PLEKHA7: variants seen among roughly 807,000 people sequenced by gnomAD.
PLEKHA7 encodes pleckstrin homology domain containing A7.
Under a neutral mutation model 170.0 loss-of-function variants are expected in PLEKHA7, and 104 were observed. The ratio of observed to expected loss-of-function variants is 0.61; its 90% CI spans 0.52 to 0.72. The LOEUF (loss-of-function observed/expected upper bound fraction) is 0.72, where lower values mean the gene tolerates loss of function less well. Ranked by LOEUF, PLEKHA7 falls within the 30% of genes least tolerant of loss-of-function variation. The probability of loss-of-function intolerance (pLI) is 0.00; values close to 1 mark genes in which losing one functional copy is unlikely to be tolerated. For missense variants in PLEKHA7, 1,615 were observed against 1,671.7 expected (o/e 0.97, Z 0.59); for synonymous variants, 648 against 660.8 (o/e 0.98, Z 0.30).
chr11:16,849,503 G>A (rs1394585168), intron 8 of PLEKHA7, among the ~76,000 whole-genome samples: 3 of 152,206 alleles, frequency 2.0e-5, no homozygotes, highest in Admixed American at 2.0e-4. Context: ...TTTCTAAAAT[G>A]ATACAATTAA....
intron 3 of PLEKHA7, among the ~76,000 whole-genome samples, chr11:16,943,221 A>G (rs1156263027): frequency 2.0e-5 from 3 of 152,140 alleles, no homozygotes; most frequent in Non-Finnish European, 2.9e-5. Flanking sequence ...TTATTTCAAT[A>G]TGTAATCAGT....
intron 3 of PLEKHA7, among the ~76,000 whole-genome samples, chr11:16,915,440 C>T (rs1177079425): frequency 6.6e-6 from 1 of 151,920 alleles, no homozygotes; most frequent in African/African-American, 2.4e-5. Context: ...TATACATGTG[C>T]CATGCTGGTG....
chr11:16,831,616 T>C lies in PLEKHA7; in HGVS notation c.873-5026A>G, dbSNP rs553940409. ...ACACTCAGTGGCCATTTTGGCCATA[T>C]GTGTCACTTTTTGAAAATAACAGCT... On this transcript the variant is annotated intron_variant, in intron 9 of 26. Coordinates refer to ENST00000531066, the MANE Select transcript of PLEKHA7 (RefSeq NM_001329630.2). Among the ~76,000 whole-genome samples the C allele has an allele frequency of 2.0e-5, 3 of 152,366 alleles. No homozygotes were observed. In the South Asian group the frequency reaches 6.2e-4, roughly 32 times the overall value.
intron 3 of PLEKHA7, among the ~76,000 whole-genome samples, chr11:16,931,679 C>G (rs2136328834): frequency 6.6e-6 from 1 of 151,822 alleles, no homozygotes; most frequent in Middle Eastern, 3.4e-3. Flanking sequence ...GCCTTGAACC[C>G]AGGAGGCAAA....
At chr11:16,879,016 C>G (rs1855515219) in intron 3 of PLEKHA7, among the ~76,000 whole-genome samples, 1 of 152,170 alleles carries the variant, frequency 6.6e-6, no homozygotes, top group Non-Finnish European at 1.5e-5. Context: ...ATACACCCCA[C>G]TGAGAAAATC....
chr11:16,794,656 C>T lies in PLEKHA7; in HGVS notation c.2577G>A (p.Glu859=). The T allele has an allele frequency of 1.2e-6, 2 of 1,614,032 alleles. No homozygotes were observed. Among genetic ancestry groups the T allele is most frequent in the Middle Eastern group, 3.3e-4 (2 of 6,062 alleles). Residue 859 remains glutamate, a synonymous_variant, in exon 19 of 27, where the codon GAG becomes GAA. Coordinates refer to ENST00000531066, the MANE Select transcript of PLEKHA7 (RefSeq NM_001329630.2). ...HPPVPSLSTS[E]SKPPPQPSPP... is the part of the protein sequence containing the mutation. ...GACTGGGCTGTGGGGGCGGCTTGCT[C>T]TCAGAAGTTGAGAGTGAAGGCACAG...
intron 4 of PLEKHA7, among the ~76,000 whole-genome samples, chr11:16,861,681 TG>T (rs1853966055): frequency 6.6e-6 from 1 of 152,174 alleles, no homozygotes; most frequent in Admixed American, 6.5e-5. Context: ...AACACTATGA[TG>T]GGAGGTTAGA....
At chr11:16,837,260 G>C (rs556249654) in intron 9 of PLEKHA7, among the ~76,000 whole-genome samples, 1 of 152,338 alleles carries the variant, frequency 6.6e-6, no homozygotes, top group South Asian at 2.1e-4. Flanking sequence ...TGAGACTAGG[G>C]AAAGGGGAGG....
At chr11:16,877,715 A>G (rs532313492) in intron 3 of PLEKHA7, among the ~76,000 whole-genome samples, 1 of 152,308 alleles carries the variant, frequency 6.6e-6, no homozygotes, top group South Asian at 2.1e-4. Context: ...ACATAACACT[A>G]ATCAGCTTCC....
intron 3 of PLEKHA7, among the ~76,000 whole-genome samples, chr11:16,934,836 A>G (rs1268057017): frequency 6.6e-6 from 1 of 152,196 alleles, no homozygotes; most frequent in Non-Finnish European, 1.5e-5. Flanking sequence ...AAGGGGAGGA[A>G]ATATCCTAAT....
chr11:16,996,380 G>C (rs1182389762), intron 3 of PLEKHA7, among the ~76,000 whole-genome samples: 1 of 152,170 alleles, frequency 6.6e-6, no homozygotes, highest in Admixed American at 6.5e-5. Flanking sequence ...TAGACTCTCA[G>C]GGGGGTGGTC....
At chr11:16,877,799 C>T (rs549346121) in intron 3 of PLEKHA7, among the ~76,000 whole-genome samples, 4 of 152,290 alleles carry the variant, frequency 2.6e-5, no homozygotes, top group African/African-American at 9.6e-5. Context: ...ACCAGATAAG[C>T]CACCTCACCT....
chr11:16,859,647 G>C (rs749121350), intron 4 of PLEKHA7, among the ~76,000 whole-genome samples: 1 of 152,224 alleles, frequency 6.6e-6, no homozygotes, highest in East Asian at 1.9e-4. Flanking sequence ...TTCCCATTAA[G>C]AGCCTGGTGG....
chr11:16,816,207 C>T lies in PLEKHA7; in HGVS notation c.1924G>A (p.Val642Ile), dbSNP rs370828870. Residue 642 changes from valine to isoleucine, a missense_variant, in exon 12 of 27, where the codon GTC (valine) becomes ATC (isoleucine). By Grantham distance (29) the Val-to-Ile change is conservative. Transcript: ENST00000531066. ...MPSMGYMTHT[V>I]SAPSLHGKSA... ...TTTCCATGTAAACTGGGAGCGCTGA[C>T]GGTGTGGGTCATGTAACCCATGGAG... 26 of 1,613,680 alleles carry T rather than the reference C, an allele frequency of 1.6e-5. No homozygotes were observed. Among genetic ancestry groups the T allele is most frequent in the Middle Eastern group, 3.3e-4 (2 of 6,084 alleles).
At chr11:16,896,174 C>G (rs547285796) in intron 3 of PLEKHA7, among the ~76,000 whole-genome samples, 1 of 152,346 alleles carries the variant, frequency 6.6e-6, no homozygotes, top group East Asian at 1.9e-4. Flanking sequence ...TTAGACACTT[C>G]TTCCAAGATG....
At chr11:16,876,128 TCA>T (rs1855275786) in intron 3 of PLEKHA7, among the ~76,000 whole-genome samples, 1 of 152,172 alleles carries the variant, frequency 6.6e-6, no homozygotes, top group African/African-American at 2.4e-5. Context: ...ACAAAAGCCC[TCA>T]GTCAGCTCCA....
chr11:16,846,891 C>T (rs184978319), intron 8 of PLEKHA7, among the ~76,000 whole-genome samples: 28 of 152,090 alleles, frequency 1.8e-4, no homozygotes, highest in Middle Eastern at 3.4e-3. Flanking sequence ...TCAGTTTTCC[C>T]GGTGAAAGGT....
At chr11:16,831,421 C>T (rs1851098899) in intron 9 of PLEKHA7, among the ~76,000 whole-genome samples, 1 of 152,182 alleles carries the variant, frequency 6.6e-6, no homozygotes, top group South Asian at 2.1e-4. Context: ...ATGAAGCACC[C>T]CTCGGCCGTC....
chr11:16,850,056 C>T (rs1852796284), intron 8 of PLEKHA7, among the ~76,000 whole-genome samples: 1 of 152,180 alleles, frequency 6.6e-6, no homozygotes, highest in Non-Finnish European at 1.5e-5. Context: ...TTGCAAGCCC[C>T]TCACAGATGA....
Sources: allele counts gnomAD v4.1 joint callset (sites outside exome capture counted in the v4.1 genomes callset), GRCh38; gene constraint gnomAD v4.1.1; transcripts MANE v1.5; gene names NCBI Gene and HGNC (gene_info 2026-07-23, HGNC 2026-07-21).